The following NEDD4 variants were observed in gnomAD, a reference collection of about 807,000 sequenced individuals.
NEDD4 encodes NEDD4 E3 ubiquitin protein ligase.
In NEDD4, 99 loss-of-function variants were observed where a neutral mutation model predicts 144.9. The ratio of observed to expected loss-of-function variants is 0.68; its 90% confidence interval spans 0.58 to 0.81. The LOEUF (loss-of-function observed/expected upper bound fraction) is 0.81. Among genes scored for constraint, NEDD4 ranks in the 30% least tolerant of loss-of-function variants. The pLI, the probability that NEDD4 is intolerant of heterozygous loss-of-function variation, is 0.00. For missense variants in NEDD4, 985 were observed against 1,065.9 expected (o/e 0.92, Z 1.06); for synonymous variants, 318 against 350.6 (o/e 0.91, Z 1.04).
rs751078385 is a variant in NEDD4, at chr15:55,841,936, A to G, written c.1836T>C (p.Ala612=). The G allele has an allele frequency of 6.2e-7, 1 of 1,608,378 alleles. No homozygotes were observed. The highest frequency in any genetic ancestry group is 8.5e-7 in the Non-Finnish European group (1 of 1,174,700). Reference sequence around the variant, plus strand: ...ATAATCATTGTAAAGGTACTTACGTAGCAGAATATTCAAACAACCCATAAT... The same window carrying G: ...ATAATCATTGTAAAGGTACTTACGTGGCAGAATATTCAAACAACCCATAAT... The part of the protein sequence containing the change: ...NPYYGLFEYS[A]TDNYTLQINP... The change falls in exon 19 of 29, where the codon GCT becomes GCC. Residue 612 remains alanine (A), a splice_region_variant and synonymous_variant. Coordinates refer to ENST00000435532, the MANE Select transcript of NEDD4 (RefSeq NM_006154.4).
At chr15:55,896,277 G>A (rs1307981906) in intron 5 of NEDD4, among the ~76,000 whole-genome samples, 1 of 152,118 alleles carries the variant, frequency 6.6e-6, no homozygotes, top group African/African-American at 2.4e-5. Flanking sequence ...CACCTCCTGG[G>A]TTCATGCAAT....
At chr15:55,957,379 A>C (rs1284789692) in intron 2 of NEDD4, among the ~76,000 whole-genome samples, 1 of 152,172 alleles carries the variant, frequency 6.6e-6, no homozygotes, top group Non-Finnish European at 1.5e-5. Flanking sequence ...AGTTAAGTAG[A>C]GGGGCTTCAA....
intron 5 of NEDD4, among the ~76,000 whole-genome samples, chr15:55,886,234 C>A (rs1324759664): frequency 1.3e-5 from 2 of 152,028 alleles, no homozygotes; most frequent in Admixed American, 6.6e-5. Flanking sequence ...AGAGACAGAC[C>A]CCAATACAAT....
At chr15:55,909,698 A>T (rs2036208950) in intron 5 of NEDD4, among the ~76,000 whole-genome samples, 1 of 152,076 alleles carries the variant, frequency 6.6e-6, no homozygotes, top group Non-Finnish European at 1.5e-5. Context: ...GTCACCTGTG[A>T]TGTAAAGGGA....
At chr15:55,851,918 A>ATTCTCATTGTACCACTTG (rs2033998269) in intron 13 of NEDD4, among the ~76,000 whole-genome samples, 1 of 152,214 alleles carries the variant, frequency 6.6e-6, no homozygotes, top group Non-Finnish European at 1.5e-5. Context: ...CTTGTTTTAT[A>ATTCTCATTGTACCACTTG]TAATAACAAG....
At chr15:55,985,178 T>C (rs1224144767) in intron 1 of NEDD4, among the ~76,000 whole-genome samples, 2 of 152,264 alleles carry the variant, frequency 1.3e-5, no homozygotes, top group Non-Finnish European at 2.9e-5. Flanking sequence ...TCAAAGATTC[T>C]ACTCCTATGT....
At chr15:55,990,835 C>A (rs2037978934) in intron 1 of NEDD4, among the ~76,000 whole-genome samples, 2 of 152,222 alleles carry the variant, frequency 1.3e-5, no homozygotes, top group Admixed American at 1.3e-4. Context: ...TACTGTGAAT[C>A]TCAAGTGACC....
At chr15:55,955,454 A>G (rs2037320114) in intron 2 of NEDD4, among the ~76,000 whole-genome samples, 1 of 152,100 alleles carries the variant, frequency 6.6e-6, no homozygotes, top group South Asian at 2.1e-4. Context: ...TTAATTATTA[A>G]CTTCCATTTC....
intron 18 of NEDD4, 122 bp from the exon 19 acceptor site, chr15:55,842,285 T>C (rs1229979389): frequency 2.7e-6 from 2 of 738,768 alleles, no homozygotes; most frequent in African/African-American, 3.5e-5. Context: ...CCTTACGTAA[T>C]ATACTCAGGG....
rs560770188 is a variant in NEDD4 at position 55,897,667 on chromosome 15, G to A, written c.292-23659C>T. On this transcript the variant is annotated intron_variant, in intron 5 of 28. Transcript: ENST00000435532. Reference sequence around the variant, plus strand: ...TTTCTGCCAGCAGTTTGACAGCCTGGTAAGGTTTGGGCTCCAGACTGGTTT... The same window carrying A: ...TTTCTGCCAGCAGTTTGACAGCCTGATAAGGTTTGGGCTCCAGACTGGTTT... Among the ~76,000 whole-genome samples the A allele has an allele frequency of 1.0e-3, 155 of 152,274 alleles. 2 individuals carry two copies. Among genetic ancestry groups the A allele is most frequent in the Non-Finnish European group, 8.5e-4 (58 of 68,024 alleles).
intron 4 of NEDD4, among the ~76,000 whole-genome samples, chr15:55,926,597 C>G (rs1408050873): frequency 6.6e-6 from 1 of 151,656 alleles, no homozygotes; most frequent in African/African-American, 2.4e-5. Context: ...GGGAGACCAT[C>G]TCTACAAAAA....
chr15:55,907,808 G>C (rs2036147859), intron 5 of NEDD4, among the ~76,000 whole-genome samples: 1 of 152,184 alleles, frequency 6.6e-6, no homozygotes, highest in South Asian at 2.1e-4. Flanking sequence ...GCTTTTGTCT[G>C]AATACCCTTA....
chr15:55,884,633 T>G (rs2035321514), intron 5 of NEDD4, among the ~76,000 whole-genome samples: 1 of 152,032 alleles, frequency 6.6e-6, no homozygotes, highest in Non-Finnish European at 1.5e-5. Context: ...GCAGAAATTC[T>G]GGAGCTGAAA....
At chr15:55,960,273 A>T (rs973387309) in intron 2 of NEDD4, among the ~76,000 whole-genome samples, 16 of 152,174 alleles carry the variant, frequency 1.1e-4, no homozygotes, top group Non-Finnish European at 2.2e-4. Flanking sequence ...TTAACATTTG[A>T]ATCAGTGGAC....
chr15:55,921,548 C>G (rs2036569822), intron 5 of NEDD4, among the ~76,000 whole-genome samples: 1 of 152,132 alleles, frequency 6.6e-6, no homozygotes, highest in East Asian at 1.9e-4. Context: ...TGGTGTCGAA[C>G]TCCTGACATC....
chr15:55,901,938 C>T (rs1337813587), intron 5 of NEDD4, among the ~76,000 whole-genome samples: 1 of 151,824 alleles, frequency 6.6e-6, no homozygotes, highest in African/African-American at 2.4e-5. Flanking sequence ...ATATAAAAAC[C>T]AGGATTTGGA....
At chr15:55,987,031 C>A (rs2037907463) in intron 1 of NEDD4, among the ~76,000 whole-genome samples, 1 of 146,088 alleles carries the variant, frequency 6.8e-6, no homozygotes, top group Non-Finnish European at 1.5e-5. Flanking sequence ...GTTCTAGATC[C>A]CTGAGGAATC....
intron 13 of NEDD4, among the ~76,000 whole-genome samples, chr15:55,851,192 G>A (rs1211007577): frequency 6.6e-6 from 1 of 152,056 alleles, no homozygotes; most frequent in Non-Finnish European, 1.5e-5. Context: ...CAAATGATGG[G>A]CAGACAAAAT....
At chr15:55,938,490 C>T (rs762203928) in intron 4 of NEDD4, among the ~76,000 whole-genome samples, 4 of 151,946 alleles carry the variant, frequency 2.6e-5, no homozygotes, top group Non-Finnish European at 5.9e-5. Flanking sequence ...AAACAAGACC[C>T]GACACTGTAA....
Sources: allele counts gnomAD v4.1 joint callset (sites outside exome capture counted in the v4.1 genomes callset), GRCh38; gene constraint gnomAD v4.1.1; transcripts MANE v1.5; gene names NCBI Gene and HGNC (gene_info 2026-07-23, HGNC 2026-07-21).